Variants in HDAC4 observed in about 807,000 individuals in gnomAD.
HDAC4 encodes histone deacetylase 4, also known as histone deacetylase A.
In HDAC4, 16 loss-of-function variants were observed where a neutral mutation model predicts 135.1. The ratio of observed to expected loss-of-function variants is 0.12; its 90% CI spans 0.08 to 0.18. HDAC4 has a LOEUF of 0.18. Ranked by LOEUF, HDAC4 falls within the 10% of genes least tolerant of loss-of-function variation. The pLI, the probability that HDAC4 is intolerant of heterozygous loss-of-function variation, is 1.00. For missense variants in HDAC4, 1,143 were observed against 1,511.8 expected (o/e 0.76, Z 4.05); for synonymous variants, 685 against 653.4 (o/e 1.05, Z -0.74).
intron 18 of HDAC4, among the ~76,000 whole-genome samples, chr2:239,089,054 A>C (rs966703029): frequency 6.6e-6 from 1 of 152,134 alleles, no homozygotes; most frequent in Non-Finnish European, 1.5e-5. Flanking sequence ...GAGGGGGAGG[A>C]GGCCACGATT....
Position 239,178,809 on chromosome 2 carries a change from T to C in HDAC4, c.340-2246A>G, listed in dbSNP as rs570294201. On this transcript the variant is annotated intron_variant, in intron 4 of 26. Transcript: ENST00000543185. The stretch of plus-strand genomic sequence containing the variant: ...CGAGGAACTTTCTGTGGAGGAAATT[T>C]AGTGAATCAGGGGCTCCGGGCTGGC... Among the ~76,000 whole-genome samples the C allele has an allele frequency of 1.4e-3, 206 of 152,288 alleles. 1 individual carries two copies. Among genetic ancestry groups the C allele is most frequent in the African/African-American group, 4.2e-3 (174 of 41,554 alleles).
rs1220213722 is a variant in HDAC4 at position 239,139,831 on chromosome 2, C to T, written c.866-35G>A. On this transcript the variant is annotated intron_variant, in intron 8 of 26. Transcript: ENST00000543185. This position sits in a 1 kb window ranked among gnomAD's most constrained non-coding sequence, Gnocchi z 5.3. The stretch of plus-strand genomic sequence containing the variant: ...CAGAAATACCCTGGTGAGTGTTACT[C>T]CATGCGGAGGGAGGGCCGTGCTGAC... 1.9e-6 allele frequency: 3 copies of T among 1,580,408 alleles called. No homozygotes were observed. Among genetic ancestry groups the T allele is most frequent in the Non-Finnish European group, 2.6e-6 (3 of 1,149,968 alleles).
At chr2:239,103,546 G>C (rs778366763) in intron 15 of HDAC4, among the ~76,000 whole-genome samples, 3 of 152,254 alleles carry the variant, frequency 2.0e-5, no homozygotes, top group Non-Finnish European at 4.4e-5. Context: ...TGAGATTCGA[G>C]TTAACATTTC....
At chr2:239,236,103 C>T (rs576113601) in intron 3 of HDAC4, among the ~76,000 whole-genome samples, 10 of 152,310 alleles carry the variant, frequency 6.6e-5, no homozygotes, top group Middle Eastern at 3.4e-3. Context: ...TGATCACCAC[C>T]GATACTTTTT....
intron 1 of HDAC4, among the ~76,000 whole-genome samples, chr2:239,375,973 C>T (rs1488146990): frequency 2.6e-5 from 4 of 152,244 alleles, no homozygotes; most frequent in Non-Finnish European, 4.4e-5. Flanking sequence ...GCCTGCTGGA[C>T]GCCCTGGGGC....
At chr2:239,183,331 T>C (rs926785992) in intron 4 of HDAC4, among the ~76,000 whole-genome samples, 1 of 152,252 alleles carries the variant, frequency 6.6e-6, no homozygotes, top group African/African-American at 2.4e-5. Context: ...CTCTTGACTT[T>C]CTTGTGTCTC....
In HDAC4 at chr2:239,215,281, G is replaced by A. The variant is rs546781985; in HGVS notation, c.94+21312C>T. ...CAGGAGCATGTGGTGTGGTAAGGAG[G>A]TGCTTCCACCAAGTCAACACTGGTG... On this transcript the variant is annotated intron_variant, in intron 3 of 26. Coordinates refer to ENST00000543185, the MANE Select transcript of HDAC4 (RefSeq NM_001378414.1). 1.6e-4 allele frequency among the ~76,000 whole-genome samples: 24 copies of A among 152,268 alleles called. No individual in the cohort carries two copies. In the South Asian group the frequency reaches 2.3e-3, roughly 14 times the overall value.
intron 2 of HDAC4, among the ~76,000 whole-genome samples, chr2:239,275,667 C>T (rs1029768627): frequency 2.0e-5 from 3 of 152,106 alleles, no homozygotes; most frequent in African/African-American, 7.2e-5. Context: ...TGCCACCCTG[C>T]GACTCCAGGT....
intron 1 of HDAC4, among the ~76,000 whole-genome samples, chr2:239,395,041 G>T (rs1020763895): frequency 6.6e-6 from 1 of 152,242 alleles, no homozygotes; most frequent in Non-Finnish European, 1.5e-5. Flanking sequence ...AGGATGAGAG[G>T]ATGAGCATGA....
intron 16 of HDAC4, among the ~76,000 whole-genome samples, chr2:239,098,351 G>A (rs2037306519): frequency 6.6e-6 from 1 of 152,230 alleles, no homozygotes; most frequent in Non-Finnish European, 1.5e-5. Flanking sequence ...GCAGACAGGC[G>A]TTCTGTGCCT....
intron 11 of HDAC4, among the ~76,000 whole-genome samples, chr2:239,128,113 AC>A (rs2040320708): frequency 6.6e-6 from 1 of 152,004 alleles, no homozygotes. Context: ...TTTTCACCCA[AC>A]CCCACAACTT....
intron 5 of HDAC4, among the ~76,000 whole-genome samples, chr2:239,171,636 A>G (rs955524554): frequency 6.6e-6 from 1 of 152,356 alleles, no homozygotes; most frequent in Admixed American, 6.5e-5. Flanking sequence ...AACAGTATAA[A>G]ACAACAGATT....
intron 12 of HDAC4, among the ~76,000 whole-genome samples, chr2:239,124,896 A>G (rs2040055683): frequency 8.5e-6 from 1 of 118,302 alleles, no homozygotes; most frequent in African/African-American, 3.3e-5. Context: ...ATGACATTCC[A>G]TGTTATGTGA....
intron 2 of HDAC4, among the ~76,000 whole-genome samples, chr2:239,255,323 G>A (rs964722098): frequency 3.3e-5 from 5 of 149,532 alleles, no homozygotes; most frequent in African/African-American, 1.2e-4. Context: ...GTGTGTGTGT[G>A]TGTTTCAAAG....
At chr2:239,341,608 C>G (rs1692302827) in intron 2 of HDAC4, among the ~76,000 whole-genome samples, 1 of 152,192 alleles carries the variant, frequency 6.6e-6, no homozygotes, top group South Asian at 2.1e-4. Flanking sequence ...GAAACTCCAA[C>G]AGCATTTCAC....
chr2:239,370,032 C>A (rs181779397), intron 1 of HDAC4, among the ~76,000 whole-genome samples: 2 of 152,224 alleles, frequency 1.3e-5, no homozygotes, highest in Admixed American at 6.5e-5. Flanking sequence ...TGGCGACACA[C>A]TTCATGAGGC....
chr2:239,076,015 G>A lies in HDAC4; in HGVS notation c.2750+5080C>T, dbSNP rs148581735. The stretch of plus-strand genomic sequence containing the variant: ...GGGCTGGGATAGCAGTAGCAGGCGC[G>A]TGCCAGCGAACTCTCCTTGGCTTCC... On this transcript the variant is annotated intron_variant, in intron 22 of 26. Coordinates refer to ENST00000543185, the MANE Select transcript of HDAC4 (RefSeq NM_001378414.1). Among the ~76,000 whole-genome samples the A allele has an allele frequency of 5.4e-3, 825 of 151,464 alleles. 9 individuals carry two copies. The highest frequency in any genetic ancestry group is 0.021 in the South Asian group (100 of 4,798).
chr2:239,144,513 G>A, intron 8 of HDAC4, 70 bp downstream of exon 8: 1 of 1,601,638 alleles, frequency 6.2e-7, no homozygotes, highest in South Asian at 1.1e-5. Flanking sequence ...GCTCCTGAGA[G>A]AAATCGCCTA....
intron 7 of HDAC4, among the ~76,000 whole-genome samples, chr2:239,148,258 G>C (rs142425799): frequency 1.3e-5 from 2 of 152,174 alleles, no homozygotes; most frequent in South Asian, 2.1e-4. Flanking sequence ...AAAAACTAAA[G>C]TGCAGAAGGA....
Sources: gnomAD v4.1 joint callset for allele counts (sites outside exome capture counted in the v4.1 genomes callset) on GRCh38, gnomAD v4.1.1 for gene constraint, Gnocchi (gnomAD v3.1) non-coding constraint, MANE v1.5 for transcripts, NCBI Gene and HGNC (gene_info 2026-07-23, HGNC 2026-07-21) for gene names.